Variants in ITGA8 observed in about 807,000 individuals in gnomAD.
The protein encoded by ITGA8 is integrin subunit alpha 8.
ITGA8 carries 91 observed loss-of-function variants against 142.3 expected under a neutral mutation model. The ratio of observed to expected loss-of-function variants is 0.64; its 90% CI spans 0.54 to 0.76. ITGA8 has a LOEUF of 0.76. ITGA8 is among the 30% of genes least tolerant of loss of function. The pLI is 0.00. For missense variants in ITGA8, 1,406 were observed against 1,327.7 expected, an observed-to-expected ratio of 1.06 and a Z score of -0.92; for synonymous variants, 505 against 485.2, an observed-to-expected ratio of 1.04 and a Z score of -0.54.
chr10:15,580,143 A>AAAAG (rs1834381731), intron 23 of ITGA8, among the ~76,000 whole-genome samples: 19 of 150,940 alleles, frequency 1.3e-4, no homozygotes, highest in Admixed American at 1.3e-3. Context: ...AAAAAAAAAA[A>AAAAG]AAAAGAGAAA....
intron 27 of ITGA8, among the ~76,000 whole-genome samples, chr10:15,535,543 A>G (rs1833412908): frequency 6.6e-6 from 1 of 152,118 alleles, no homozygotes; most frequent in Admixed American, 6.5e-5. Flanking sequence ...GCACCAATCC[A>G]CACTCTGTAT....
At position 15,592,252 on chromosome 10, in the gene ITGA8, C is replaced by T; in HGVS notation, c.2264G>A (p.Ser755Asn). 6.2e-7 allele frequency: 1 copy of T among 1,613,712 alleles called. No individual in the cohort carries two copies. Among genetic ancestry groups the T allele is most frequent in the Non-Finnish European group, 8.5e-7 (1 of 1,179,714 alleles). ...TCTGATTTGGAGATCGAAGTTAATG[C>T]TCATGTTTGTTTTCTCAAGACGTGG... is the stretch of plus-strand genomic sequence containing the variant. ...AVPRLEKTNMSINFDLQIRSS... is the reference protein window; with the variant it reads ...AVPRLEKTNMNINFDLQIRSS... Residue 755 changes from serine (S) to asparagine (N), a missense_variant, in exon 22 of 30, where the codon AGC (serine) becomes AAC (asparagine). Physicochemically the swap from Ser to Asn is conservative, Grantham distance 46. Transcript: ENST00000378076.
chr10:15,577,446 A>G (rs1199998065), intron 23 of ITGA8, among the ~76,000 whole-genome samples: 1 of 152,152 alleles, frequency 6.6e-6, no homozygotes, highest in Non-Finnish European at 1.5e-5. Flanking sequence ...AAAATGCACC[A>G]TGGGGGCTCC....
rs539572133 is a variant in ITGA8, at chr10:15,605,337, G to C, written c.1970+387C>G. Among the ~76,000 whole-genome samples, 8 of 152,182 alleles carry C rather than the reference G, an allele frequency of 5.3e-5. No individual in the cohort carries two copies. In the South Asian group the frequency reaches 1.2e-3, roughly 24 times the overall value. On this transcript the variant is annotated intron_variant, in intron 19 of 29. Transcript: ENST00000378076. ...TTTTGTTTTGACAGTTTTAAGGATGGCTTTGAGTCATGGGGTGCTGAAAAA... is the reference window on the plus strand; with the variant it reads ...TTTTGTTTTGACAGTTTTAAGGATGCCTTTGAGTCATGGGGTGCTGAAAAA...
chr10:15,643,978 G>A, intron 13 of ITGA8, 52 bp downstream of exon 13: 2 of 1,504,028 alleles, frequency 1.3e-6, no homozygotes, highest in Non-Finnish European at 1.8e-6. Context: ...TCAGAAAATG[G>A]ACTCTATTTC....
intron 26 of ITGA8, among the ~76,000 whole-genome samples, chr10:15,557,207 C>G (rs1285358361): frequency 6.6e-6 from 1 of 152,094 alleles, no homozygotes; most frequent in African/African-American, 2.4e-5. Flanking sequence ...ATAGTGAAAC[C>G]TTACCTCTAC....
chr10:15,678,789 A>G lies in ITGA8; in HGVS notation c.569-6T>C. The G allele has an allele frequency of 1.9e-6, 3 of 1,582,102 alleles. No homozygotes were observed. Among genetic ancestry groups the G allele is most frequent in the South Asian group, 1.1e-5 (1 of 89,600 alleles). ...GCCTTCCGGATCAGCATTGCCTAGA[A>G]CGATCAAAATACATAAATGTTATAA... On this transcript the variant is annotated splice_region_variant and splice_polypyrimidine_tract_variant and intron_variant, in intron 4 of 29. Transcript: ENST00000378076.
intron 27 of ITGA8, among the ~76,000 whole-genome samples, chr10:15,544,306 A>AC (rs1833628967): frequency 1.3e-5 from 2 of 152,164 alleles, no homozygotes; most frequent in East Asian, 3.9e-4. Context: ...TCTACCAAAA[A>AC]AAAACAAAAC....
chr10:15,711,353 A>G (rs1386643701), intron 2 of ITGA8, among the ~76,000 whole-genome samples: 1 of 152,060 alleles, frequency 6.6e-6, no homozygotes, highest in African/African-American at 2.4e-5. Flanking sequence ...GTGTTGTTAT[A>G]TCAGACCCTC....
Position 15,519,383 on chromosome 10 carries a change from C to T in ITGA8, c.3012G>A (p.Pro1004=), listed in dbSNP as rs147846713. The change falls in exon 29 of 30, where the codon CCG becomes CCA. Residue 1004 remains proline, a synonymous_variant. Transcript: ENST00000378076. ...VIKTSVIWAT[P]NVSFSIPLWV... ...ATAATGGGATTGAGAAGGAAACATT[C>T]GGAGTTGCCCAAATAACTGATGTCT... 7 of 1,613,502 alleles carry T rather than the reference C, an allele frequency of 4.3e-6. No homozygotes were observed. Among genetic ancestry groups the T allele is most frequent in the East Asian group, 2.2e-5 (1 of 44,812 alleles).
chr10:15,607,801 A>G lies in ITGA8; in HGVS notation c.1640T>C (p.Leu547Pro). 6.2e-7 allele frequency: 1 copy of G among 1,612,146 alleles called. No individual in the cohort carries two copies. Residue 547 changes from leucine to proline, a missense_variant, in exon 17 of 30, where the codon CTG becomes CCG. Coordinates refer to ENST00000378076, the MANE Select transcript of ITGA8 (RefSeq NM_003638.3). ...CCGTTTAATAGCTCCTTTCTGTTTC[A>G]GGGAATCTAATTGCACCTCTGCCAT... is the stretch of plus-strand genomic sequence containing the variant. Reference protein sequence around the residue: ...VLMAEVQLDSLKQKGAIKRTL... With the variant: ...VLMAEVQLDSPKQKGAIKRTL...
chr10:15,560,901 CCTT>C (rs1192699223), intron 25 of ITGA8, among the ~76,000 whole-genome samples: 2 of 151,852 alleles, frequency 1.3e-5, no homozygotes, highest in Admixed American at 6.6e-5. Flanking sequence ...AAAAGGGTCT[CCTT>C]ATTTATTTAT....
chr10:15,662,396 C>T (rs1379197312), intron 8 of ITGA8, among the ~76,000 whole-genome samples: 1 of 126,828 alleles, frequency 7.9e-6, no homozygotes, highest in Non-Finnish European at 1.5e-5. Flanking sequence ...AGTGTAGTGG[C>T]ATGATCATCA....
intron 24 of ITGA8, 32 bp from the exon 25 acceptor site, chr10:15,572,401 C>T: frequency 6.2e-7 from 1 of 1,600,244 alleles, no homozygotes; most frequent in Non-Finnish European, 8.5e-7. Flanking sequence ...TCTAATGACC[C>T]AGCAGAAGGC....
intron 8 of ITGA8, among the ~76,000 whole-genome samples, chr10:15,661,304 A>T (rs1834282671): frequency 6.6e-6 from 1 of 152,238 alleles, no homozygotes; most frequent in South Asian, 2.1e-4. Flanking sequence ...TTGAGAATCT[A>T]ACTAATGCCT....
At chr10:15,652,399 G>T (rs1032221542) in intron 11 of ITGA8, among the ~76,000 whole-genome samples, 1 of 151,712 alleles carries the variant, frequency 6.6e-6, no homozygotes, top group African/African-American at 2.4e-5. Flanking sequence ...TTGTGTGGCC[G>T]TCAGTGGGAA....
At chr10:15,565,477 C>T (rs965630601) in intron 25 of ITGA8, among the ~76,000 whole-genome samples, 9 of 149,186 alleles carry the variant, frequency 6.0e-5, no homozygotes, top group Admixed American at 1.3e-4. Flanking sequence ...ACATAAATTA[C>T]GGTTCCTGTG....
chr10:15,614,627 C>A (rs1003872306), intron 14 of ITGA8, among the ~76,000 whole-genome samples: 1 of 151,954 alleles, frequency 6.6e-6, no homozygotes, highest in East Asian at 1.9e-4. Flanking sequence ...AGCTTGGTTC[C>A]AAGATATGAT....
At chr10:15,578,726 T>C (rs1447497612) in intron 23 of ITGA8, among the ~76,000 whole-genome samples, 1 of 152,100 alleles carries the variant, frequency 6.6e-6, no homozygotes, top group Non-Finnish European at 1.5e-5. Context: ...CAGCTGTTCA[T>C]GTTTGTGGTC....
Sources: gnomAD v4.1 joint callset for allele counts (sites outside exome capture counted in the v4.1 genomes callset) on GRCh38, gnomAD v4.1.1 for gene constraint, MANE v1.5 for transcripts, NCBI Gene and HGNC (gene_info 2026-07-23, HGNC 2026-07-21) for gene names.